TMEM178B: variants seen among roughly 807,000 people sequenced by gnomAD.
The protein encoded by TMEM178B is transmembrane protein 178B.
In TMEM178B, 5 loss-of-function variants were observed where a neutral mutation model predicts 31.0. The ratio of observed to expected loss-of-function variants is 0.16; its 90% confidence interval spans 0.08 to 0.34. The LOEUF is 0.34. Among genes scored for constraint, TMEM178B ranks in the 10% least tolerant of loss-of-function variants. The pLI, the probability that TMEM178B is intolerant of heterozygous loss-of-function variation, is 1.00. For missense variants in TMEM178B, 275 were observed against 400.3 expected, an observed-to-expected ratio of 0.69 and a Z score of 2.67; for synonymous variants, 164 against 164.0, an observed-to-expected ratio of 1.00 and a Z score of 0.00.
At chr7:141,503,617 AGAAAAGGAGCCAT>A in the TMEM178B span, among the ~76,000 whole-genome samples, 4 of 152,238 alleles carry the variant, frequency 2.6e-5, no homozygotes, top group African/African-American at 9.6e-5. Context: ...TGTCACCTGA[AGAAAAGGAGCCAT>A]GAAAAAATAG....
intron 2 of TMEM178B, among the ~76,000 whole-genome samples, chr7:141,383,132 G>A (rs1344640204): frequency 1.3e-5 from 2 of 151,494 alleles, no homozygotes; most frequent in African/African-American, 2.4e-5. Flanking sequence ...GCTGCTTTTA[G>A]CATTGCTTTT....
At chr7:141,209,925 C>A (rs1797027441) in intron 1 of TMEM178B, among the ~76,000 whole-genome samples, 1 of 152,018 alleles carries the variant, frequency 6.6e-6, no homozygotes, top group Non-Finnish European at 1.5e-5. Flanking sequence ...AAGGCTGGGG[C>A]CTGAAGGGAG....
chr7:141,372,692 T>C (rs888438310), intron 2 of TMEM178B, among the ~76,000 whole-genome samples: 1 of 152,210 alleles, frequency 6.6e-6, no homozygotes, highest in Non-Finnish European at 1.5e-5. Context: ...GTCAGTTTAA[T>C]TATTTTAAAA....
intron 2 of TMEM178B, among the ~76,000 whole-genome samples, chr7:141,252,021 A>G (rs905117782): frequency 2.6e-5 from 4 of 152,200 alleles, no homozygotes; most frequent in Admixed American, 1.3e-4. Flanking sequence ...AAAAGTTGCA[A>G]TTCTACTATG....
intron 1 of TMEM178B, among the ~76,000 whole-genome samples, chr7:141,180,966 A>T (rs1796518077): frequency 6.6e-6 from 1 of 152,082 alleles, no homozygotes; most frequent in Non-Finnish European, 1.5e-5. Context: ...ACATCCATTC[A>T]TCCATCCTCC....
At chr7:141,367,859 G>A (rs1204365925) in intron 2 of TMEM178B, among the ~76,000 whole-genome samples, 5 of 152,048 alleles carry the variant, frequency 3.3e-5, no homozygotes, top group African/African-American at 1.2e-4. Context: ...GTTCCAAGCA[G>A]AGGAAAGCAC....
chr7:141,223,344 T>C (rs1797285367), intron 2 of TMEM178B, among the ~76,000 whole-genome samples: 1 of 152,118 alleles, frequency 6.6e-6, no homozygotes, highest in Non-Finnish European at 1.5e-5. Flanking sequence ...GATTGGATTA[T>C]GGGATTATGG....
the TMEM178B span, among the ~76,000 whole-genome samples, chr7:141,497,193 C>T: frequency 3.3e-5 from 5 of 152,130 alleles, no homozygotes; most frequent in Non-Finnish European, 7.4e-5. Context: ...CAAGTTTTCA[C>T]AGAGAGAGAC....
chr7:141,123,635 G>A (rs558627261), intron 1 of TMEM178B, among the ~76,000 whole-genome samples: 1 of 152,294 alleles, frequency 6.6e-6, no homozygotes, highest in African/African-American at 2.4e-5. Context: ...TTGGTAGTGG[G>A]GGAGCTAGAG....
intron 2 of TMEM178B, among the ~76,000 whole-genome samples, chr7:141,238,368 A>C (rs540292653): frequency 3.3e-5 from 5 of 152,282 alleles, no homozygotes; most frequent in African/African-American, 1.2e-4. Context: ...GAGGGAGGAA[A>C]GAGACCTTCG....
intron 2 of TMEM178B, among the ~76,000 whole-genome samples, chr7:141,375,882 C>T (rs868612801): frequency 4.6e-5 from 7 of 152,144 alleles, no homozygotes; most frequent in African/African-American, 1.7e-4. Flanking sequence ...GGGTGAACAA[C>T]AGAAGGAGAC....
chr7:141,369,316 CGTGTGTGTGTGTGTGTGT>C (rs55960871), intron 2 of TMEM178B, among the ~76,000 whole-genome samples: 3 of 138,450 alleles, frequency 2.2e-5, no homozygotes, highest in East Asian at 2.1e-4. Flanking sequence ...TCCGCGCCGA[CGTGTGTGTGTGTGTGTGT>C]GTGTGTGTGT....
intron 3 of TMEM178B, among the ~76,000 whole-genome samples, chr7:141,454,546 T>TTCTCTCCTCTCTCTCCTC (rs57233428): frequency 7.8e-4 from 87 of 111,628 alleles, no homozygotes; most frequent in South Asian, 1.3e-3. Context: ...TCCTCTCCTC[T>TTCTCTCCTCTCTCTCCTC]TCTCTCCTCT....
chr7:141,150,493 C>CT (rs1795953933), intron 1 of TMEM178B, among the ~76,000 whole-genome samples: 1 of 152,206 alleles, frequency 6.6e-6, no homozygotes, highest in African/African-American at 2.4e-5. Context: ...AACAGTTGTA[C>CT]TGGTCTTGGG....
chr7:141,495,814 A>G, the TMEM178B span, among the ~76,000 whole-genome samples: 1 of 152,224 alleles, frequency 6.6e-6, no homozygotes, highest in Non-Finnish European at 1.5e-5. Flanking sequence ...AACACCAGAC[A>G]TGTAAGTTTG....
chr7:141,477,007 T>G lies in TMEM178B; in HGVS notation c.*6221T>G, dbSNP rs1301803715. ...CAGCAAATGCAACTCCTACACTTCA[T>G]TCCCAAGGACCAGGTGTTGCTCCTT... is the stretch of plus-strand genomic sequence containing the variant. On this transcript the variant is annotated 3_prime_UTR_variant, in exon 4 of 4. Coordinates refer to ENST00000565468, the MANE Select transcript of TMEM178B (RefSeq NM_001195278.2). 2.6e-5 allele frequency: 4 copies of G among 154,854 alleles called. No individual in the cohort carries two copies. The allele number at this position is 154,854 out of a possible 1,614,324, so 9.6% of individuals were successfully genotyped here.
chr7:141,140,051 C>A (rs533488226), intron 1 of TMEM178B, among the ~76,000 whole-genome samples: 1 of 152,288 alleles, frequency 6.6e-6, no homozygotes, highest in Admixed American at 6.5e-5. Context: ...CAGGCACGAG[C>A]CACTGCACCC....
the TMEM178B span, among the ~76,000 whole-genome samples, chr7:141,497,421 A>G: frequency 5.7e-4 from 87 of 152,272 alleles, no homozygotes; most frequent in African/African-American, 2.0e-3. Context: ...CTTAACTTTA[A>G]GTTGTGATTT....
At chr7:141,090,707 A>T (rs190888305) in intron 1 of TMEM178B, among the ~76,000 whole-genome samples, 186 of 152,338 alleles carry the variant, frequency 1.2e-3, no homozygotes, top group Non-Finnish European at 2.2e-3. Context: ...GTAGGTGAAC[A>T]TTACAGAAAG....
Sources: allele counts gnomAD v4.1 joint callset (sites outside exome capture counted in the v4.1 genomes callset), GRCh38; gene constraint gnomAD v4.1.1; transcripts MANE v1.5; gene names NCBI Gene and HGNC (gene_info 2026-07-23, HGNC 2026-07-21).